Variants in DNAL1 observed in about 807,000 individuals in gnomAD.
DNAL1 encodes chromosome 14 open reading frame 168.
In DNAL1, 17 loss-of-function variants were observed where a neutral mutation model predicts 29.4. The ratio of observed to expected loss-of-function variants is 0.58; its 90% confidence interval spans 0.40 to 0.87. The LOEUF is 0.87. Ranked by LOEUF, DNAL1 falls within the 40% of genes least tolerant of loss-of-function variation. The pLI is 0.00. For missense variants in DNAL1, 188 were observed against 214.1 expected (o/e 0.88, Z 0.76); for synonymous variants, 78 against 76.3 (o/e 1.02, Z -0.12).
intron 1 of DNAL1, among the ~76,000 whole-genome samples, chr14:73,652,323 G>T (rs956928992): frequency 7.9e-5 from 12 of 152,144 alleles, no homozygotes; most frequent in African/African-American, 2.9e-4. Flanking sequence ...GAGTGTAGTG[G>T]TGCAATCTTG....
At chr14:73,668,792 T>C (rs900924863) in intron 4 of DNAL1, among the ~76,000 whole-genome samples, 1 of 152,186 alleles carries the variant, frequency 6.6e-6, no homozygotes, top group African/African-American at 2.4e-5. Flanking sequence ...TTCTCCTGCC[T>C]CAGCTTTCCG....
rs547753285 is a variant in DNAL1, at chr14:73,676,098, G to A, written c.264+4501G>A. ...AAATTTTAATTCTAGGCCAGGCGTGGTGGCACGTACCTGTAATCCCAGCTA... is the reference window on the plus strand; with the variant it reads ...AAATTTTAATTCTAGGCCAGGCGTGATGGCACGTACCTGTAATCCCAGCTA... On this transcript the variant is annotated intron_variant, in intron 5 of 7. Transcript: ENST00000553645. Among the ~76,000 whole-genome samples, 110 of 151,572 alleles carry A rather than the reference G, an allele frequency of 7.3e-4. 1 individual carries two copies. The highest frequency in any genetic ancestry group is 1.1e-3 in the Non-Finnish European group (78 of 67,936).
chr14:73,667,422 A>T (rs1378553124), intron 4 of DNAL1, among the ~76,000 whole-genome samples: 6 of 152,070 alleles, frequency 3.9e-5, no homozygotes, highest in Admixed American at 3.9e-4. Context: ...AGCCACAGTG[A>T]CTGGCCAACA....
At chr14:73,665,970 G>A (rs891519297) in intron 4 of DNAL1, among the ~76,000 whole-genome samples, 18 of 152,156 alleles carry the variant, frequency 1.2e-4, no homozygotes, top group African/African-American at 4.3e-4. Flanking sequence ...ATTCATGTCT[G>A]CTGTAGACAC....
intron 7 of DNAL1, among the ~76,000 whole-genome samples, chr14:73,694,126 C>T (rs768017694): frequency 1.0e-3 from 157 of 151,844 alleles, no homozygotes; most frequent in Non-Finnish European, 2.1e-3. Flanking sequence ...GAACTTTAAG[C>T]TGGGCACGGT....
intron 1 of DNAL1, among the ~76,000 whole-genome samples, chr14:73,649,269 C>T (rs903238038): frequency 3.3e-5 from 5 of 150,632 alleles, no homozygotes; most frequent in African/African-American, 1.2e-4. Context: ...CCACAGTGCC[C>T]GGCTGATGTG....
intron 4 of DNAL1, among the ~76,000 whole-genome samples, chr14:73,667,476 C>T (rs190385216): frequency 6.6e-6 from 1 of 152,086 alleles, no homozygotes; most frequent in Non-Finnish European, 1.5e-5. Context: ...ATATATTCCC[C>T]TAGCCCCAGA....
chr14:73,668,501 G>A (rs79976906), intron 4 of DNAL1, among the ~76,000 whole-genome samples: 2,253 of 152,178 alleles, frequency 0.015, 44 homozygotes, highest in South Asian at 0.11. Context: ...TAGTTATATG[G>A]GATATATTAA....
chr14:73,647,304 G>A (rs893501575), intron 1 of DNAL1, among the ~76,000 whole-genome samples: 2 of 148,390 alleles, frequency 1.3e-5, no homozygotes, highest in South Asian at 2.1e-4. Flanking sequence ...GGCGGAGCTT[G>A]CAGTGAGCTG....
At chr14:73,686,324 A>G (rs991505757) in intron 5 of DNAL1, among the ~76,000 whole-genome samples, 2 of 152,180 alleles carry the variant, frequency 1.3e-5, no homozygotes, top group African/African-American at 4.8e-5. Context: ...GATTCACTCA[A>G]ACTTTGCCAG....
chr14:73,672,794 CACCCAGGCT>C (rs534725246), intron 5 of DNAL1, among the ~76,000 whole-genome samples: 436 of 146,300 alleles, frequency 3.0e-3, no homozygotes, highest in African/African-American at 0.011. Flanking sequence ...CTTGCCCTGT[CACCCAGGCT>C]AGGGTGCAGT....
At chr14:73,651,241 C>T (rs985568073) in intron 1 of DNAL1, 4 of 152,164 alleles carry the variant, frequency 2.6e-5, no homozygotes, top group African/African-American at 9.7e-5. Context: ...CTTGGCTTCC[C>T]ATAGTGCTGG....
rs1294769916 is a variant in DNAL1, at chr14:73,689,484, CA to C, written c.503del (p.Lys168ArgfsTer6). The stretch of plus-strand genomic sequence containing the variant: ...AGAATAACTGGATTGAAGAAGCAAC[CA>C]AGAGAGTGCCCAAACTGAAAAAGCT... ...AENNWIEEAT[K>X]RVPKLKKLDG... On this transcript the variant is annotated frameshift_variant, in exon 7 of 8. Coordinates refer to ENST00000553645, the MANE Select transcript of DNAL1 (RefSeq NM_031427.4). LOFTEE classifies it high-confidence loss of function. 10 of 1,585,746 alleles carry C rather than the reference CA, an allele frequency of 6.3e-6. No individual in the cohort carries two copies. In the Admixed American group the frequency reaches 1.8e-4, roughly 29 times the overall value.
chr14:73,698,014 G>C lies in DNAL1; in HGVS notation c.*2072G>C, dbSNP rs536587090. ...GCAAGCTTGAAGCCATGTTGATATG[G>C]ATATGTTTTCTAAAAGTAACCCTGG... On this transcript the variant is annotated 3_prime_UTR_variant, in exon 8 of 8. Transcript: ENST00000553645. 1 of 152,198 alleles carries C rather than the reference G, an allele frequency of 6.6e-6. No individual in the cohort carries two copies. Among genetic ancestry groups the C allele is most frequent in the East Asian group, 1.9e-4 (1 of 5,182 alleles). 9.4% of individuals were successfully genotyped at this position (152,198 alleles called of 1,614,324 possible).
At chr14:73,649,424 A>G (rs1198796873) in intron 1 of DNAL1, among the ~76,000 whole-genome samples, 1 of 151,348 alleles carries the variant, frequency 6.6e-6, no homozygotes, top group Non-Finnish European at 1.5e-5. Context: ...CTGGGACTAC[A>G]GGCGCCTGCC....
At position 73,700,715 on chromosome 14, in the gene DNAL1, A is replaced by G. The variant is rs1475981790; in HGVS notation, c.*4773A>G. ...ACTCTGTAAGTGTTGGTAAAGGAAG[A>G]AAACTGCTAAATTGCATGTTACCCT... is the stretch of plus-strand genomic sequence containing the variant. On this transcript the variant is annotated 3_prime_UTR_variant, in exon 8 of 8. Transcript: ENST00000553645. 6.6e-6 allele frequency: 1 copy of G among 152,240 alleles called. No homozygotes were observed. The highest frequency in any genetic ancestry group is 1.9e-4 in the East Asian group (1 of 5,202). The allele number at this position is 152,240 out of a possible 1,614,324, so 9.4% of individuals were successfully genotyped here. A position where few individuals can be genotyped will look rare whatever the true frequency, so the allele number is the denominator to read the frequency against.
Position 73,661,962 on chromosome 14 carries a change from A to C in DNAL1, c.153-25A>C, listed in dbSNP as rs1052092727. The C allele has an allele frequency of 1.1e-5, 16 of 1,510,174 alleles. No individual in the cohort carries two copies. In the Admixed American group the frequency reaches 2.3e-4, roughly 22 times the overall value. The allele number at this position is 1,510,174 out of a possible 1,614,324, so 93.5% of individuals were successfully genotyped here. ...ATTTACCATTTACATTTTTCACATT[A>C]AATTTTTTCTTTGTTCTTTTAAAGG... On this transcript the variant is annotated intron_variant, in intron 3 of 7. Coordinates refer to ENST00000553645, the MANE Select transcript of DNAL1 (RefSeq NM_031427.4).
rs1485220105 is a variant in DNAL1, at chr14:73,701,368, C to T, written c.*5426C>T. On this transcript the variant is annotated 3_prime_UTR_variant, in exon 8 of 8. Transcript: ENST00000553645. ...AACCTCACCCTTGCTCGTTCTAAAC[C>T]CACATGAGTAGTTAACTGTCTTTTG... 1 of 140,630 alleles carries T rather than the reference C, an allele frequency of 7.1e-6. No individual in the cohort carries two copies. Among genetic ancestry groups the T allele is most frequent in the African/African-American group, 2.7e-5 (1 of 37,130 alleles). The allele number at this position is 140,630 out of a possible 1,614,324, so 8.7% of individuals were successfully genotyped here. A position where few individuals can be genotyped will look rare whatever the true frequency, so the allele number is the denominator to read the frequency against.
intron 3 of DNAL1, among the ~76,000 whole-genome samples, chr14:73,660,850 C>T (rs1891325315): frequency 1.3e-5 from 2 of 152,198 alleles, no homozygotes; most frequent in Non-Finnish European, 2.9e-5. Flanking sequence ...TTGTATATCA[C>T]CTCGAGTCAA....
Sources: gnomAD v4.1 joint callset for allele counts (sites outside exome capture counted in the v4.1 genomes callset) on GRCh38, gnomAD v4.1.1 for gene constraint, MANE v1.5 for transcripts, NCBI Gene and HGNC (gene_info 2026-07-23, HGNC 2026-07-21) for gene names.